CSN1S1: variants seen among roughly 807,000 people sequenced by gnomAD.
The protein encoded by CSN1S1 is casein alpha s1, also known as alpha-S1-casein.
In CSN1S1, 63 loss-of-function variants were observed where a neutral mutation model predicts 49.1. That is an observed-to-expected ratio of 1.28 (90% CI 1.05 to 1.58). The LOEUF (loss-of-function observed/expected upper bound fraction) is 1.58. Ranked by LOEUF, CSN1S1 falls within the 40% of genes most tolerant of loss-of-function variation. The probability of loss-of-function intolerance (pLI) is 0.00; values close to 1 mark genes in which losing one functional copy is unlikely to be tolerated. For missense variants in CSN1S1, 260 were observed against 224.7 expected (o/e 1.16, Z -1.01); for synonymous variants, 78 against 67.1 (o/e 1.16, Z -0.79).
At chr4:69,944,005 G>GTCTC (rs143773409) in intron 14 of CSN1S1, among the ~76,000 whole-genome samples, 19 of 148,518 alleles carry the variant, frequency 1.3e-4, no homozygotes, top group African/African-American at 2.2e-4. Context: ...CTGTCTGTCT[G>GTCTC]TCTCTCTCTC....
At position 69,944,941 on chromosome 4, in the gene CSN1S1, C is replaced by A; in HGVS notation, c.494C>A (p.Ser165Tyr). Residue 165 changes from serine (S) to tyrosine (Y), a missense_variant, in exon 15 of 16, where the codon TCC becomes TAC. Transcript: ENST00000246891. ...CAGTATGTTCCTTTCCCACCGTTTT[C>A]CGACATCTCCAATCCCACTGCTCAT... The part of the protein sequence containing the change: ...IMQYVPFPPF[S>Y]DISNPTAHEN... 6.2e-7 allele frequency: 1 copy of A among 1,612,940 alleles called. No homozygotes were observed. Among genetic ancestry groups the A allele is most frequent in the Non-Finnish European group, 8.5e-7 (1 of 1,179,308 alleles).
chr4:69,944,963 T>G lies in CSN1S1; in HGVS notation c.516T>G (p.Ala172=). 6.2e-7 allele frequency: 1 copy of G among 1,612,804 alleles called. No individual in the cohort carries two copies. Among genetic ancestry groups the G allele is most frequent in the South Asian group, 1.1e-5 (1 of 91,048 alleles). The change falls in exon 15 of 16, where the codon GCT becomes GCG. Residue 172 remains alanine (A), a synonymous_variant. Transcript: ENST00000246891. ...PPFSDISNPT[A]HENYEKNNVM... is the part of the protein sequence containing the mutation. ...TTTCCGACATCTCCAATCCCACTGC[T>G]CATGAAAATTATGAAAAAAATAACG...
chr4:69,939,100 A>T (rs1415022505), intron 9 of CSN1S1, 76 bp from the exon 10 acceptor site: 2 of 1,062,634 alleles, frequency 1.9e-6, no homozygotes, highest in Non-Finnish European at 2.8e-6. Context: ...GCATTTCACC[A>T]TGATGACATG....
chr4:69,937,200 T>C (rs919841205), intron 8 of CSN1S1, 56 bp downstream of exon 8: 2 of 1,165,444 alleles, frequency 1.7e-6, no homozygotes, highest in Non-Finnish European at 2.4e-6. Flanking sequence ...AAACAATACA[T>C]ATTTCCCCAA....
At chr4:69,945,035 G>A (rs750564237) in intron 15 of CSN1S1, 31 bp downstream of exon 15, 2 of 1,606,302 alleles carry the variant, frequency 1.2e-6, no homozygotes, top group Admixed American at 1.7e-5. Context: ...ACATCTTGAT[G>A]TTCTACCAAA....
intron 4 of CSN1S1, 84 bp from the exon 5 acceptor site, chr4:69,935,842 C>A (rs1448152159): frequency 5.8e-6 from 5 of 860,820 alleles, no homozygotes; most frequent in South Asian, 1.5e-5. Context: ...AAGAACATAA[C>A]GTTTTAATTC....
At chr4:69,942,650 C>T in intron 14 of CSN1S1, 73 bp downstream of exon 14, 1 of 1,169,566 alleles carries the variant, frequency 8.6e-7, no homozygotes, top group Non-Finnish European at 1.2e-6. Context: ...CTTAAATAGC[C>T]CCCTACTCTT....
At chr4:69,936,044 A>G in intron 5 of CSN1S1, 95 bp downstream of exon 5, 1 of 956,454 alleles carries the variant, frequency 1.0e-6, no homozygotes, top group Non-Finnish European at 1.6e-6. Context: ...ACAAAGTGAA[A>G]GTCAAGGATA....
At chr4:69,945,471 T>C (rs1454866319) in intron 15 of CSN1S1, among the ~76,000 whole-genome samples, 1 of 151,986 alleles carries the variant, frequency 6.6e-6, no homozygotes, top group Non-Finnish European at 1.5e-5. Context: ...TTTATAATAA[T>C]CCTTATTTAT....
intron 14 of CSN1S1, among the ~76,000 whole-genome samples, chr4:69,943,949 T>C (rs1410846461): frequency 1.3e-5 from 2 of 152,020 alleles, no homozygotes; most frequent in Non-Finnish European, 2.9e-5. Flanking sequence ...GTTTCCAACA[T>C]ATGATCTTTG....
intron 10 of CSN1S1, 21 bp downstream of exon 10, chr4:69,939,229 T>C: frequency 6.4e-7 from 1 of 1,563,590 alleles, no homozygotes; most frequent in Non-Finnish European, 8.8e-7. Context: ...TTGATATTAA[T>C]TCTGTGTCCC....
chr4:69,936,586 A>G lies in CSN1S1; in HGVS notation c.174A>G (p.Glu58=). 6.2e-7 allele frequency: 1 copy of G among 1,606,692 alleles called. No individual in the cohort carries two copies. Among genetic ancestry groups the G allele is most frequent in the Non-Finnish European group, 8.5e-7 (1 of 1,175,990 alleles). Reference sequence around the variant, plus strand: ...TTTAGCAGAGAAACATTCTGAGAGAAAAACAGACTGATGAAATCAAGGTAC... The same window carrying G: ...TTTAGCAGAGAAACATTCTGAGAGAGAAACAGACTGATGAAATCAAGGTAC... ...GMNRQRNILR[E]KQTDEIKDTR... Residue 58 remains glutamate (E), a synonymous_variant, in exon 7 of 16, where the codon GAA becomes GAG. Transcript: ENST00000246891.
Position 69,944,890 on chromosome 4 carries a change from C to T in CSN1S1, c.443C>T (p.Ala148Val), listed in dbSNP as rs1215753583. 3.7e-6 allele frequency: 6 copies of T among 1,612,736 alleles called. No homozygotes were observed. The highest frequency in any genetic ancestry group is 2.2e-5 in the East Asian group (1 of 44,842). The change falls in exon 15 of 16, where the codon GCT (alanine) becomes GTT (valine). Residue 148 changes from alanine (A) to valine (V), a missense_variant. Coordinates refer to ENST00000246891, the MANE Select transcript of CSN1S1 (RefSeq NM_001890.2). ...AACCAACTTGCTGCCTACCCCTATG[C>T]TGTTTGGTACTATCCACAAATCATG... ...QLNQLAAYPYAVWYYPQIMQY... is the reference protein window; with the variant it reads ...QLNQLAAYPYVVWYYPQIMQY...
intron 2 of CSN1S1, among the ~76,000 whole-genome samples, chr4:69,933,227 A>G (rs1293662037): frequency 1.3e-5 from 2 of 152,014 alleles, no homozygotes; most frequent in African/African-American, 2.4e-5. Context: ...TATCAATTAG[A>G]TAAGTATGTG....
At chr4:69,931,924 AT>A (rs1307866170) in intron 1 of CSN1S1, among the ~76,000 whole-genome samples, 6 of 151,924 alleles carry the variant, frequency 3.9e-5, no homozygotes, top group Non-Finnish European at 7.4e-5. Flanking sequence ...AATCATCTTT[AT>A]ATATTTATGT....
intron 3 of CSN1S1, 107 bp downstream of exon 3, chr4:69,934,351 G>A (rs939351233): frequency 5.6e-5 from 63 of 1,115,408 alleles, no homozygotes; most frequent in Middle Eastern, 2.0e-4. Context: ...TTTTGCTGAC[G>A]CATCATTTCT....
At position 69,946,364 on chromosome 4, in the gene CSN1S1, A is replaced by G. The variant is rs1178909481; in HGVS notation, c.*168A>G. Reference sequence around the variant, plus strand: ...TCTTTTTCTTAAGCTAAATTTTCCTAGAGAGTTTATTGTCTAAATTTCAGT... The same window carrying G: ...TCTTTTTCTTAAGCTAAATTTTCCTGGAGAGTTTATTGTCTAAATTTCAGT... On this transcript the variant is annotated 3_prime_UTR_variant, in exon 16 of 16. Coordinates refer to ENST00000246891, the MANE Select transcript of CSN1S1 (RefSeq NM_001890.2). 2.0e-5 allele frequency: 6 copies of G among 302,684 alleles called. No homozygotes were observed. In the South Asian group the frequency reaches 6.3e-4, roughly 32 times the overall value. The allele number at this position is 302,684 out of a possible 1,614,324, so 18.7% of individuals were successfully genotyped here.
intron 10 of CSN1S1, 123 bp from the exon 11 acceptor site, chr4:69,939,898 A>G (rs1200899088): frequency 8.4e-6 from 5 of 597,430 alleles, no homozygotes; most frequent in Non-Finnish European, 1.4e-5. Flanking sequence ...GTTTTTTGGG[A>G]ATTTATCACT....
chr4:69,935,204 AC>A (rs1560386379), intron 4 of CSN1S1, among the ~76,000 whole-genome samples: 1 of 152,070 alleles, frequency 6.6e-6, no homozygotes, highest in Admixed American at 6.6e-5. Context: ...AAAAGAAGAA[AC>A]ATACTTTTAT....
Sources: gnomAD v4.1 joint callset for allele counts (sites outside exome capture counted in the v4.1 genomes callset) on GRCh38, gnomAD v4.1.1 for gene constraint, MANE v1.5 for transcripts, NCBI Gene and HGNC (gene_info 2026-07-23, HGNC 2026-07-21) for gene names.